ATP2A1: variants seen among roughly 807,000 people sequenced by gnomAD.
ATP2A1 encodes ATPase sarcoplasmic/endoplasmic reticulum Ca2+ transporting 1.
Under a neutral mutation model 109.5 loss-of-function variants are expected in ATP2A1, and 83 were observed. The ratio of observed to expected loss-of-function variants is 0.76; its 90% CI spans 0.63 to 0.91. The LOEUF (loss-of-function observed/expected upper bound fraction) is 0.91, where lower values mean the gene tolerates loss of function less well. Among genes scored for constraint, ATP2A1 ranks in the 40% least tolerant of loss-of-function variants. The pLI is 0.00. For missense variants in ATP2A1, 1,101 were observed against 1,341.0 expected, an observed-to-expected ratio of 0.82 and a Z score of 2.80; for synonymous variants, 505 against 537.6, an observed-to-expected ratio of 0.94 and a Z score of 0.84.
Position 28,902,121 on chromosome 16 carries a change from T to C in ATP2A1, c.2321+38T>C, listed in dbSNP as rs1479958373. ...GTGGGCGTCCAGGAGGAAGCCGGGG[T>C]TAGGGTGGGGTGGCTGCAGGTCTGG... On this transcript the variant is annotated intron_variant, in intron 16 of 22. Coordinates refer to ENST00000395503, the MANE Select transcript of ATP2A1 (RefSeq NM_004320.6). This position sits in a 1 kb window ranked among gnomAD's most constrained non-coding sequence, Gnocchi z 4.8. 3.1e-6 allele frequency: 5 copies of C among 1,613,856 alleles called. No individual in the cohort carries two copies. Among genetic ancestry groups the C allele is most frequent in the Non-Finnish European group, 4.2e-6 (5 of 1,179,774 alleles).
At chr16:28,895,524 T>C (rs1963896807) in intron 12 of ATP2A1, among the ~76,000 whole-genome samples, 1 of 152,062 alleles carries the variant, frequency 6.6e-6, no homozygotes, top group Non-Finnish European at 1.5e-5. Context: ...TGCTACTTTA[T>C]TTAATATAAC....
In ATP2A1 at chr16:28,903,525, G is replaced by A; in HGVS notation, c.2980+85G>A. 9.9e-7 allele frequency: 1 copy of A among 1,013,914 alleles called. No individual in the cohort carries two copies. Among genetic ancestry groups the A allele is most frequent in the Non-Finnish European group, 1.4e-6 (1 of 704,928 alleles). 62.8% of individuals were successfully genotyped at this position (1,013,914 alleles called of 1,614,324 possible). Reference sequence around the variant, plus strand: ...CCGCCCCCGCCCCGCCCCGTACTTTGCAGGTGGTAAGTTTCTCAGCCCTGG... The same window carrying A: ...CCGCCCCCGCCCCGCCCCGTACTTTACAGGTGGTAAGTTTCTCAGCCCTGG... On this transcript the variant is annotated intron_variant, in intron 21 of 22. Transcript: ENST00000395503. This position sits in a 1 kb window ranked among gnomAD's most constrained non-coding sequence, Gnocchi z 5.6.
chr16:28,879,714 C>A, intron 3 of ATP2A1, 131 bp downstream of exon 3: 1 of 1,094,354 alleles, frequency 9.1e-7, no homozygotes, highest in Non-Finnish European at 1.3e-6. Flanking sequence ...GGCGGGCTGG[C>A]GCGCAGCAGC....
intron 2 of ATP2A1, 160 bp downstream of exon 2, chr16:28,879,276 C>A: frequency 9.9e-7 from 1 of 1,010,438 alleles, no homozygotes. Context: ...GGGCAGAAGT[C>A]TCCCAGGCGC....
chr16:28,882,696 A>G, intron 5 of ATP2A1, 107 bp downstream of exon 5: 7 of 1,515,608 alleles, frequency 4.6e-6, no homozygotes, highest in Non-Finnish European at 6.3e-6. Flanking sequence ...AGGATGACGG[A>G]GTCTGCTTCT....
At position 28,900,708 on chromosome 16, in the gene ATP2A1, C is replaced by T; in HGVS notation, c.1892C>T (p.Thr631Ile). 6.2e-7 allele frequency: 1 copy of T among 1,614,156 alleles called. No individual in the cohort carries two copies. The highest frequency in any genetic ancestry group is 8.5e-7 in the Non-Finnish European group (1 of 1,179,998). ...VIMITGDNKG[T>I]AIAICRRIGI... ...ATGATCACTGGGGACAACAAGGGCA[C>T]AGCCATTGCCATCTGCCGGCGAATT... Residue 631 changes from threonine to isoleucine, a missense_variant, in exon 15 of 23, where the codon ACA becomes ATA. Coordinates refer to ENST00000395503, the MANE Select transcript of ATP2A1 (RefSeq NM_004320.6).
At chr16:28,887,151 T>C (rs1567482281) in intron 6 of ATP2A1, 38 bp from the exon 7 acceptor site, 1 of 1,598,498 alleles carries the variant, frequency 6.3e-7, no homozygotes, top group Non-Finnish European at 8.6e-7. Flanking sequence ...GAGAAGGACA[T>C]GATGTCATCC....
chr16:28,899,304 GC>G (rs1304090004), intron 14 of ATP2A1, among the ~76,000 whole-genome samples: 9 of 152,190 alleles, frequency 5.9e-5, no homozygotes, highest in Non-Finnish European at 2.9e-5. Flanking sequence ...ACTGCCAAAA[GC>G]AGAAAGCAGT....
chr16:28,902,806 A>C lies in ATP2A1; in HGVS notation c.2639A>C (p.Asn880Thr). The C allele has an allele frequency of 6.2e-7, 1 of 1,613,756 alleles. No individual in the cohort carries two copies. Among genetic ancestry groups the C allele is most frequent in the African/African-American group, 1.3e-5 (1 of 74,930 alleles). ...LTHFMQCTED[N>T]THFEGIDCEV... ...CACTTCATGCAGTGCACCGAGGACA[A>C]CACCCACTTTGAGGGCATAGACTGT... The change falls in exon 19 of 23, where the codon AAC (asparagine) becomes ACC (threonine). Residue 880 changes from asparagine (N) to threonine (T), a missense_variant. Physicochemically the swap from Asn to Thr is moderately conservative, Grantham distance 65. Coordinates refer to ENST00000395503, the MANE Select transcript of ATP2A1 (RefSeq NM_004320.6). This position sits in a 1 kb window ranked among gnomAD's most constrained non-coding sequence, Gnocchi z 4.8.
Position 28,900,866 on chromosome 16 carries a change from A to G in ATP2A1, c.2050A>G (p.Lys684Glu). 4 of 1,614,174 alleles carry G rather than the reference A, an allele frequency of 2.5e-6. No homozygotes were observed. The highest frequency in any genetic ancestry group is 3.4e-6 in the Non-Finnish European group (4 of 1,180,032). The change falls in exon 15 of 23, where the codon AAG becomes GAG. Residue 684 changes from lysine (K) to glutamate (E), a missense_variant. Physicochemically the swap from Lys to Glu is moderately conservative, Grantham distance 56 (BLOSUM62 1). Transcript: ENST00000395503. Reference sequence around the variant, plus strand: ...CTTCGCCCGTGTGGAGCCCTCGCACAAGTCCAAGATTGTGGAGTACCTGCA... The same window carrying G: ...CTTCGCCCGTGTGGAGCCCTCGCACGAGTCCAAGATTGTGGAGTACCTGCA... ...CCFARVEPSH[K>E]SKIVEYLQSY...
intron 12 of ATP2A1, 128 bp downstream of exon 12, chr16:28,895,081 C>A: frequency 7.3e-7 from 1 of 1,370,132 alleles, no homozygotes. Flanking sequence ...AGCAGACAGC[C>A]CCTGCAGCTT....
intron 4 of ATP2A1, among the ~76,000 whole-genome samples, 181 bp from the exon 5 acceptor site, chr16:28,882,270 G>C (rs536544914): frequency 2.0e-5 from 3 of 151,892 alleles, no homozygotes; most frequent in Non-Finnish European, 2.9e-5. Flanking sequence ...GATTTTCTTT[G>C]ATTCTTCTTT....
At chr16:28,882,766 C>T (rs1016177335) in intron 5 of ATP2A1, among the ~76,000 whole-genome samples, 177 bp downstream of exon 5, 26 of 152,348 alleles carry the variant, frequency 1.7e-4, no homozygotes, top group Non-Finnish European at 3.1e-4. Flanking sequence ...CCCTCCCCAG[C>T]GGAGTCTCAG....
intron 9 of ATP2A1, 120 bp from the exon 10 acceptor site, chr16:28,894,035 G>T (rs1408260514): frequency 1.4e-5 from 11 of 793,868 alleles, no homozygotes; most frequent in Non-Finnish European, 2.2e-5. Context: ...ATGAGGAGGG[G>T]TGAGTAGGAG....
intron 14 of ATP2A1, 86 bp from the exon 15 acceptor site, chr16:28,900,487 GACCTTTCA>G: frequency 9.7e-7 from 1 of 1,026,934 alleles, no homozygotes. Flanking sequence ...ACCACTTCCT[GACCTTTCA>G]CCCCATCCCC....
chr16:28,881,566 C>G (rs1485114531), intron 4 of ATP2A1: 1 of 192,520 alleles, frequency 5.2e-6, no homozygotes, highest in Non-Finnish European at 1.1e-5. Context: ...TTTGGGAGGC[C>G]GAGGCGGGTG....
In ATP2A1 at chr16:28,903,310, TC is replaced by T. The variant is rs754787368; in HGVS notation, c.2863-9del. The T allele has an allele frequency of 2.9e-5, 46 of 1,608,980 alleles. 1 individual carries two copies. The African/African-American group carries it at 4.4e-4, about 15-fold the overall frequency. ...CCACCCCCTCCTGAGAGGGCGCTTG[TC>T]CCCTGCCCCAGATGATCTTCAAGCT... On this transcript the variant is annotated splice_polypyrimidine_tract_variant and intron_variant, in intron 20 of 22. Coordinates refer to ENST00000395503, the MANE Select transcript of ATP2A1 (RefSeq NM_004320.6). The surrounding 1 kb of genome is among the most constrained non-coding windows in gnomAD (Gnocchi z 5.6).
Position 28,880,065 on chromosome 16 carries a change from T to C in ATP2A1, c.219+482T>C. The C allele has an allele frequency of 1.0e-6, 1 of 1,003,418 alleles. No homozygotes were observed. The highest frequency in any genetic ancestry group is 4.4e-5 in the South Asian group (1 of 22,596). 62.2% of individuals were successfully genotyped at this position (1,003,418 alleles called of 1,614,324 possible). A position where few individuals can be genotyped will look rare whatever the true frequency, so the allele number is the denominator to read the frequency against. On this transcript the variant is annotated intron_variant, in intron 3 of 22. Coordinates refer to ENST00000395503, the MANE Select transcript of ATP2A1 (RefSeq NM_004320.6). This position sits in a 1 kb window ranked among gnomAD's most constrained non-coding sequence, Gnocchi z 4.2. ...CTAGTGGCGGGAAAGCGCGGCGGTG[T>C]GATGATGACTCCAAGGAGCCCGGCG...
Position 28,903,910 on chromosome 16 carries a change from G to T in ATP2A1, c.*37+169G>T. The T allele has an allele frequency of 1.3e-6, 1 of 781,310 alleles. No homozygotes were observed. Among genetic ancestry groups the T allele is most frequent in the Non-Finnish European group, 2.2e-6 (1 of 455,222 alleles). 48.4% of individuals were successfully genotyped at this position (781,310 alleles called of 1,614,324 possible). ...CAGGGTGGGCCGCTGGCCTCCCACT[G>T]GGCGTCAGTTTGGCTCCCAGGCCCT... On this transcript the variant is annotated intron_variant, in intron 22 of 22. Transcript: ENST00000395503. This position sits in a 1 kb window ranked among gnomAD's most constrained non-coding sequence, Gnocchi z 5.6.
Sources: allele counts gnomAD v4.1 joint callset (sites outside exome capture counted in the v4.1 genomes callset), GRCh38; gene constraint gnomAD v4.1.1; non-coding constraint Gnocchi (gnomAD v3.1); transcripts MANE v1.5; gene names NCBI Gene and HGNC (gene_info 2026-07-23, HGNC 2026-07-21).